The following IL1RAPL1 variants were observed in gnomAD, a reference collection of about 807,000 sequenced individuals.
IL1RAPL1 encodes the protein interleukin-1 receptor accessory protein-like 1.
In IL1RAPL1, 3 loss-of-function variants were observed where a neutral mutation model predicts 48.4. The ratio of observed to expected loss-of-function variants is 0.06; its 90% CI spans 0.03 to 0.16. IL1RAPL1 has a LOEUF of 0.16. Among genes scored for constraint, IL1RAPL1 ranks in the 10% least tolerant of loss-of-function variants. The pLI, the probability that IL1RAPL1 is intolerant of heterozygous loss-of-function variation, is 1.00. For synonymous variants in IL1RAPL1, 185 were observed against 187.7 expected (o/e 0.99, Z 0.12); for missense variants, 349 against 530.6 (o/e 0.66, Z 3.36).
At chrX:29,920,815 AAAAG>A (rs1932840897) in intron 8 of IL1RAPL1, among the ~76,000 whole-genome samples, 16 of 98,693 alleles carry the variant, frequency 1.6e-4, no homozygotes, top group African/African-American at 2.2e-4. Flanking sequence ...AAAAAAAAAA[AAAAG>A]AAAAGAAAAG....
intron 2 of IL1RAPL1, among the ~76,000 whole-genome samples, chrX:29,130,901 A>C (rs963988248): frequency 1.8e-5 from 2 of 112,461 alleles, no homozygotes; most frequent in East Asian, 2.8e-4. Flanking sequence ...GAAAGCATTC[A>C]TAATACGGAT....
At chrX:29,645,050 G>A (rs1420908867) in intron 5 of IL1RAPL1, among the ~76,000 whole-genome samples, 1 of 112,911 alleles carries the variant, frequency 8.9e-6, no homozygotes, top group Non-Finnish European at 1.9e-5. Context: ...GACAAAAAGA[G>A]AAGTAAAACA....
At chrX:29,451,537 G>A (rs1404272469) in intron 5 of IL1RAPL1, among the ~76,000 whole-genome samples, 2 of 111,668 alleles carry the variant, frequency 1.8e-5, no homozygotes, top group Non-Finnish European at 3.8e-5. Flanking sequence ...TAATTTTACA[G>A]TAACCTGGGA....
At chrX:29,254,881 T>G (rs1162380468) in intron 2 of IL1RAPL1, among the ~76,000 whole-genome samples, 1 of 112,115 alleles carries the variant, frequency 8.9e-6, no homozygotes, top group Non-Finnish European at 1.9e-5. Context: ...AGATTTCTGA[T>G]TTTGCTGCTT....
intron 2 of IL1RAPL1, among the ~76,000 whole-genome samples, chrX:28,929,934 A>G (rs1161293650): frequency 2.7e-5 from 3 of 112,334 alleles, no homozygotes; most frequent in Non-Finnish European, 5.6e-5. Context: ...GAATCTATCC[A>G]GAGGGAAAGC....
At chrX:29,873,563 T>C (rs1259177838) in intron 6 of IL1RAPL1, among the ~76,000 whole-genome samples, 1 of 111,747 alleles carries the variant, frequency 8.9e-6, no homozygotes, top group Non-Finnish European at 1.9e-5. Flanking sequence ...GTGTAATCCG[T>C]GAAGCAGAGA....
intron 2 of IL1RAPL1, among the ~76,000 whole-genome samples, chrX:29,048,466 C>T (rs1927023236): frequency 8.9e-6 from 1 of 112,043 alleles, no homozygotes; most frequent in Non-Finnish European, 1.9e-5. Context: ...CAGGCTTTTA[C>T]ATATGCTTCT....
intron 2 of IL1RAPL1, among the ~76,000 whole-genome samples, chrX:28,947,296 G>T (rs1158807146): frequency 5.4e-5 from 6 of 111,542 alleles, no homozygotes; most frequent in African/African-American, 2.0e-4. Flanking sequence ...TCATCATTCT[G>T]AAGTTTAATT....
intron 1 of IL1RAPL1, among the ~76,000 whole-genome samples, chrX:28,629,457 A>G (rs1934376254): frequency 8.9e-6 from 1 of 112,101 alleles, no homozygotes; most frequent in Admixed American, 9.5e-5. Flanking sequence ...TTCATGAAAG[A>G]CATGATCTAT....
chrX:29,908,485 T>TTAAGGGTATTTTTGTCTGGACC (rs1932691394), intron 6 of IL1RAPL1, among the ~76,000 whole-genome samples: 1 of 110,445 alleles, frequency 9.1e-6, no homozygotes, highest in Admixed American at 9.7e-5. Flanking sequence ...TTTGAGTTTC[T>TTAAGGGTATTTTTGTCTGGACC]TAAGGGTATT....
chrX:29,558,415 G>A (rs1047399034), intron 5 of IL1RAPL1, among the ~76,000 whole-genome samples: 37 of 111,714 alleles, frequency 3.3e-4, no homozygotes, highest in African/African-American at 1.1e-3. Flanking sequence ...AGTTGTTTGA[G>A]TTCCATATAT....
intron 6 of IL1RAPL1, among the ~76,000 whole-genome samples, chrX:29,697,286 TA>T (rs2147113912): frequency 1.8e-5 from 2 of 112,163 alleles, no homozygotes; most frequent in South Asian, 7.3e-4. Flanking sequence ...GTTTCTCTTT[TA>T]AAAATAAACT....
chrX:29,566,175 G>A (rs758150516), intron 5 of IL1RAPL1, among the ~76,000 whole-genome samples: 98 of 111,793 alleles, frequency 8.8e-4, no homozygotes, highest in Non-Finnish European at 1.5e-3. Flanking sequence ...TCCTGACCTC[G>A]TGATCCACCC....
intron 6 of IL1RAPL1, among the ~76,000 whole-genome samples, chrX:29,770,940 T>G (rs1029347488): frequency 8.9e-5 from 10 of 112,198 alleles, no homozygotes; most frequent in Non-Finnish European, 3.8e-5. Context: ...GAATCAGTAT[T>G]GAGTGCCCTA....
At chrX:28,614,178 C>G (rs940589428) in intron 1 of IL1RAPL1, among the ~76,000 whole-genome samples, 4 of 81,262 alleles carry the variant, frequency 4.9e-5, no homozygotes, top group African/African-American at 1.7e-4. Flanking sequence ...AGCTTTCGTT[C>G]TTGTTTTTTT....
chrX:29,713,505 T>C (rs1183004612), intron 6 of IL1RAPL1, among the ~76,000 whole-genome samples: 34 of 111,894 alleles, frequency 3.0e-4, no homozygotes, highest in Non-Finnish European at 5.6e-5. Context: ...GTGTGACCCC[T>C]AGACCAGAAG....
chrX:29,857,937 T>TTTA (rs1443093122), intron 6 of IL1RAPL1, among the ~76,000 whole-genome samples: 2 of 111,899 alleles, frequency 1.8e-5, no homozygotes, highest in Non-Finnish European at 3.8e-5. Flanking sequence ...GATGAGAATG[T>TTTA]TTATTTTCTT....
chrX:28,628,949 C>G (rs1199321230), intron 1 of IL1RAPL1, among the ~76,000 whole-genome samples: 2 of 111,962 alleles, frequency 1.8e-5, no homozygotes, highest in Non-Finnish European at 3.8e-5. Flanking sequence ...CTCATTAAAA[C>G]TTTTTTAGGG....
chrX:28,789,186 A>C (rs1213332276), intron 1 of IL1RAPL1, 134 bp from the exon 2 acceptor site: 1 of 443,507 alleles, frequency 2.3e-6, no homozygotes, highest in East Asian at 3.9e-5. Context: ...ATATAATAGA[A>C]ATCCTGGTTA....
Sources: gnomAD v4.1 joint callset for allele counts (sites outside exome capture counted in the v4.1 genomes callset) on GRCh38, gnomAD v4.1.1 for gene constraint, MANE v1.5 for transcripts, NCBI Gene and HGNC (gene_info 2026-07-23, HGNC 2026-07-21) for gene names.